Variants in ENG observed in about 807,000 individuals in gnomAD.
The protein encoded by ENG is endoglin.
Under a neutral mutation model 71.0 loss-of-function variants are expected in ENG, and 17 were observed. The ratio of observed to expected loss-of-function variants is 0.24; its 90% confidence interval spans 0.16 to 0.36. The LOEUF (loss-of-function observed/expected upper bound fraction) is 0.36. Among genes scored for constraint, ENG ranks in the 10% least tolerant of loss-of-function variants. The probability of loss-of-function intolerance (pLI) is 1.00; values close to 1 mark genes in which losing one functional copy is unlikely to be tolerated. For missense variants in ENG, 749 were observed against 868.3 expected, an observed-to-expected ratio of 0.86 and a Z score of 1.73; for synonymous variants, 360 against 366.9, an observed-to-expected ratio of 0.98 and a Z score of 0.21.
intron 1 of ENG, among the ~76,000 whole-genome samples, chr9:127,852,451 G>C (rs1829051309): frequency 6.6e-6 from 1 of 152,134 alleles, no homozygotes; most frequent in Admixed American, 6.5e-5. Context: ...GACCATAAAT[G>C]AGTTGGGTTG....
chr9:127,823,673 CTTTTTTTTT>C (rs1017053002), intron 8 of ENG, among the ~76,000 whole-genome samples: 4 of 99,036 alleles, frequency 4.0e-5, no homozygotes, highest in African/African-American at 9.7e-5. Context: ...CAGGCACCGG[CTTTTTTTTT>C]TTTTTTTTTT....
intron 7 of ENG, 63 bp from the exon 8 acceptor site, chr9:127,824,509 A>AT: frequency 1.1e-6 from 1 of 938,318 alleles, no homozygotes; most frequent in Non-Finnish European, 1.5e-6. Context: ...TGCCCGCACC[A>AT]GGCTTTTTTT....
At position 127,829,735 on chromosome 9, in the gene ENG, A is replaced by G; in HGVS notation, c.312T>C (p.Ser104=). The G allele has an allele frequency of 6.2e-7, 1 of 1,614,138 alleles. No homozygotes were observed. Among genetic ancestry groups the G allele is most frequent in the South Asian group, 1.1e-5 (1 of 91,074 alleles). The change falls in exon 3 of 15, where the codon AGT becomes AGC. Residue 104 remains serine, a synonymous_variant. Transcript: ENST00000373203. ...EVLLVLSVNS[S]VFLHLQALGI... ...CCAGGGCCTGGAGATGCAGGAAGACACTGCTGTTTACACTGAGGACCAGAA... is the reference window on the plus strand; with the variant it reads ...CCAGGGCCTGGAGATGCAGGAAGACGCTGCTGTTTACACTGAGGACCAGAA...
chr9:127,823,649 A>G (rs1453493819), intron 8 of ENG, among the ~76,000 whole-genome samples: 1 of 148,388 alleles, frequency 6.7e-6, no homozygotes, highest in Admixed American at 6.7e-5. Flanking sequence ...CGGCCTCCCA[A>G]AGTGCTGGGA....
chr9:127,854,377 GC>G lies in ENG; in HGVS notation c.-23del. The stretch of plus-strand genomic sequence containing the variant: ...CCATGCTGTCCACGTGGGGGCCTGT[GC>G]GCTGGGCCTTATCCTGTGTCCAGTG... On this transcript the variant is annotated 5_prime_UTR_variant, in exon 1 of 15. Transcript: ENST00000373203. The G allele has an allele frequency of 1.3e-6, 2 of 1,572,920 alleles. No individual in the cohort carries two copies. Among genetic ancestry groups the G allele is most frequent in the Non-Finnish European group, 1.7e-6 (2 of 1,159,752 alleles).
rs201163068 is a variant in ENG at position 127,818,101 on chromosome 9, C to T, written c.1686+19G>A. 5.9e-5 allele frequency: 96 copies of T among 1,613,960 alleles called. 1 individual carries two copies. The South Asian group carries it at 8.1e-4, about 14-fold the overall frequency. On this transcript the variant is annotated intron_variant, in intron 12 of 14. Coordinates refer to ENST00000373203, the MANE Select transcript of ENG (RefSeq NM_001114753.3). ...GGAAGCTCCCACTTGAAGCTGGGGC[C>T]GGCCCAGGCCCCACTCACCTGGTCT...
Position 127,815,808 on chromosome 9 carries a change from T to TGGGAGC in ENG, c.1853-8_1853-3dup, listed in dbSNP as rs373296026. On this transcript the variant is annotated splice_polypyrimidine_tract_variant and splice_region_variant and intron_variant, in intron 14 of 14. Coordinates refer to ENST00000373203, the MANE Select transcript of ENG (RefSeq NM_001114753.3). ...CGGGCTCCCGCTTGCTGGGGGAACC[T>TGGGAGC]GGGAGCGGGAGCGGGGGCAGGGGCG... is the stretch of plus-strand genomic sequence containing the variant. The TGGGAGC allele has an allele frequency of 1.9e-4, 289 of 1,546,920 alleles. 1 individual carries two copies. The highest frequency in any genetic ancestry group is 8.1e-4 in the Middle Eastern group (4 of 4,946).
At chr9:127,849,493 G>T (rs1234897720) in intron 1 of ENG, among the ~76,000 whole-genome samples, 1 of 152,192 alleles carries the variant, frequency 6.6e-6, no homozygotes, top group Non-Finnish European at 1.5e-5. Flanking sequence ...CTGGGACTCT[G>T]TTTCCCTATG....
intron 2 of ENG, among the ~76,000 whole-genome samples, chr9:127,839,080 T>A (rs1339479407): frequency 6.6e-6 from 1 of 152,166 alleles, no homozygotes; most frequent in Admixed American, 6.5e-5. Flanking sequence ...GGCTTCTGCC[T>A]GGAATGCCCT....
rs1261561614 is a variant in ENG, at chr9:127,838,585, G to A, written c.219+4509C>T. ...TTCAGGGGTGGGTGGGGTCTCAGCT[G>A]CCCCAAGTTTGCCCAGGAGTGGGTG... is the stretch of plus-strand genomic sequence containing the variant. On this transcript the variant is annotated intron_variant, in intron 2 of 14. Coordinates refer to ENST00000373203, the MANE Select transcript of ENG (RefSeq NM_001114753.3). This position sits in a 1 kb window ranked among gnomAD's most constrained non-coding sequence, Gnocchi z 4.3. Among the ~76,000 whole-genome samples the A allele has an allele frequency of 6.6e-6, 1 of 152,216 alleles. No homozygotes were observed. The highest frequency in any genetic ancestry group is 1.5e-5 in the Non-Finnish European group (1 of 68,038).
chr9:127,829,098 T>G (rs1170912299), intron 3 of ENG, among the ~76,000 whole-genome samples: 1 of 152,176 alleles, frequency 6.6e-6, no homozygotes, highest in Non-Finnish European at 1.5e-5. Context: ...TGGTTGTTTG[T>G]TTTTAATTGT....
chr9:127,822,724 A>G (rs904503439), intron 8 of ENG, among the ~76,000 whole-genome samples: 4 of 152,268 alleles, frequency 2.6e-5, no homozygotes, highest in Admixed American at 6.5e-5. Context: ...GATTACATCA[A>G]TATAAGAAAT....
chr9:127,818,251 G>C lies in ENG; in HGVS notation c.1555C>G (p.Leu519Val). 6.2e-7 allele frequency: 1 copy of C among 1,614,212 alleles called. No individual in the cohort carries two copies. The change falls in exon 12 of 15, where the codon CTG becomes GTG. Residue 519 changes from leucine to valine, a missense_variant. Transcript: ENST00000373203. ...GRAAKGNCVS[L>V]LSPSPEGDPR... Reference sequence around the variant, plus strand: ...TCACCCTCGGGGCTTGGGGACAGCAGGCTCACACAGTTGCCCTTGGCCGCC... The same window carrying C: ...TCACCCTCGGGGCTTGGGGACAGCACGCTCACACAGTTGCCCTTGGCCGCC...
At position 127,824,853 on chromosome 9, in the gene ENG, G is replaced by A; in HGVS notation, c.938C>T (p.Ser313Phe). ...GCTGGCCAGCGGTAGCTCCACGAAG[G>A]ATGCCACAATGCTGGCATTGAGCAT... ...ARMLNASIVA[S>F]FVELPLASIV... Residue 313 changes from serine (S) to phenylalanine (F), a missense_variant, in exon 7 of 15, where the codon TCC (serine) becomes TTC (phenylalanine). Physicochemically the swap from Ser to Phe is radical, Grantham distance 155. Coordinates refer to ENST00000373203, the MANE Select transcript of ENG (RefSeq NM_001114753.3). 1 of 1,606,252 alleles carries A rather than the reference G, an allele frequency of 6.2e-7. No homozygotes were observed. The highest frequency in any genetic ancestry group is 1.1e-5 in the South Asian group (1 of 90,178).
chr9:127,825,645 G>T, intron 5 of ENG, 50 bp downstream of exon 5: 2 of 1,441,540 alleles, frequency 1.4e-6, no homozygotes, highest in South Asian at 1.4e-5. Flanking sequence ...GGTCAGGGGG[G>T]TGGTCTCTCG....
chr9:127,836,156 C>T lies in ENG; in HGVS notation c.220-6329G>A, dbSNP rs903384599. ...ACCGACTTCCCCCTTCTCTCCCGGC[C>T]GGGGGCCCCAGAGGCAAAAAACGAT... On this transcript the variant is annotated intron_variant, in intron 2 of 14. Transcript: ENST00000373203. The surrounding 1 kb of genome is among the most constrained non-coding windows in gnomAD (Gnocchi z 4.0). Among the ~76,000 whole-genome samples, 4 of 152,230 alleles carry T rather than the reference C, an allele frequency of 2.6e-5. No homozygotes were observed. Among genetic ancestry groups the T allele is most frequent in the African/African-American group, 9.6e-5 (4 of 41,462 alleles).
At chr9:127,850,950 G>A (rs546724884) in intron 1 of ENG, among the ~76,000 whole-genome samples, 39 of 152,302 alleles carry the variant, frequency 2.6e-4, no homozygotes, top group Middle Eastern at 3.4e-3. Context: ...AGTGCAAGAG[G>A]ATGGTCATGG....
rs559991542 is a variant in ENG, at chr9:127,844,455, G to T, written c.68-1210C>A. 3.1e-4 allele frequency among the ~76,000 whole-genome samples: 47 copies of T among 150,746 alleles called. 1 individual carries two copies. The East Asian group carries it at 9.3e-3, about 30-fold the overall frequency. Reference sequence around the variant, plus strand: ...TTTTTATTTTTTTGAGACAGACTCTGCTCTGTTGCTCAGGCTGGAGTGCAG... The same window carrying T: ...TTTTTATTTTTTTGAGACAGACTCTTCTCTGTTGCTCAGGCTGGAGTGCAG... On this transcript the variant is annotated intron_variant, in intron 1 of 14. Transcript: ENST00000373203.
chr9:127,830,855 T>C (rs1830748916), intron 2 of ENG, among the ~76,000 whole-genome samples: 1 of 151,848 alleles, frequency 6.6e-6, no homozygotes, highest in Admixed American at 6.6e-5. Flanking sequence ...TCACAATTGC[T>C]CTCCCAGTTT....
Sources: allele counts gnomAD v4.1 joint callset (sites outside exome capture counted in the v4.1 genomes callset), GRCh38; gene constraint gnomAD v4.1.1; non-coding constraint Gnocchi (gnomAD v3.1); transcripts MANE v1.5; gene names NCBI Gene and HGNC (gene_info 2026-07-23, HGNC 2026-07-21).